MAP3K13: variants seen among roughly 807,000 people sequenced by gnomAD.
MAP3K13 encodes the protein leucine zipper-bearing kinase.
Under a neutral mutation model 104.0 loss-of-function variants are expected in MAP3K13, and 52 were observed. The ratio of observed to expected loss-of-function variants is 0.50; its 90% CI spans 0.40 to 0.63. MAP3K13 has a LOEUF of 0.63. Among genes scored for constraint, MAP3K13 ranks in the 20% least tolerant of loss-of-function variants. The pLI is 0.00. For missense variants in MAP3K13, 914 were observed against 1,218.5 expected, an observed-to-expected ratio of 0.75 and a Z score of 3.72; for synonymous variants, 394 against 442.2, an observed-to-expected ratio of 0.89 and a Z score of 1.37.
In MAP3K13 at chr3:185,409,739, G is replaced by A. The variant is rs9867891; in HGVS notation, c.-85-18758G>A. On this transcript the variant is annotated intron_variant, in intron 1 of 13. Transcript: ENST00000265026. ...CCAAGGTATGAATCAACCCATGTCC[G>A]ACAATAGAAGAATGGATAAAGAAAA... Among the ~76,000 whole-genome samples, 988 of 152,168 alleles carry A rather than the reference G, an allele frequency of 6.5e-3. 13 individuals carry two copies. The highest frequency in any genetic ancestry group is 0.022 in the African/African-American group (907 of 41,506).
At chr3:185,464,679 C>G (rs1279075754) in intron 8 of MAP3K13, among the ~76,000 whole-genome samples, 1 of 152,188 alleles carries the variant, frequency 6.6e-6, no homozygotes, top group African/African-American at 2.4e-5. Context: ...TTTCTTCTAG[C>G]AGTGTGAGAA....
chr3:185,409,225 A>AG (rs1355795797), intron 1 of MAP3K13, among the ~76,000 whole-genome samples: 4 of 152,104 alleles, frequency 2.6e-5, no homozygotes, highest in Admixed American at 2.6e-4. Context: ...AAAATTAGCC[A>AG]GGCGTGGTGG....
intron 1 of MAP3K13, among the ~76,000 whole-genome samples, chr3:185,365,065 C>T (rs1723806715): frequency 6.6e-6 from 1 of 152,198 alleles, no homozygotes; most frequent in African/African-American, 2.4e-5. Context: ...CTTTGATGCA[C>T]ATTTTGCCAA....
At chr3:185,288,138 G>T (rs748407998) in intron 2 of MAP3K13, among the ~76,000 whole-genome samples, 9 of 152,144 alleles carry the variant, frequency 5.9e-5, no homozygotes, top group Non-Finnish European at 1.2e-4. Context: ...CCTAGATTAA[G>T]ACTCCTTATT....
intron 7 of MAP3K13, among the ~76,000 whole-genome samples, chr3:185,458,545 G>A (rs908656981): frequency 7.2e-5 from 11 of 152,128 alleles, no homozygotes; most frequent in Non-Finnish European, 1.3e-4. Context: ...GAACTCCTGA[G>A]ATGAATAAGA....
intron 1 of MAP3K13, among the ~76,000 whole-genome samples, chr3:185,415,584 T>C (rs1394769792): frequency 2.0e-5 from 3 of 146,766 alleles, no homozygotes; most frequent in Non-Finnish European, 3.0e-5. Context: ...TTTCTTTTTT[T>C]TTTTTTTTTT....
chr3:185,345,673 T>C (rs555154416), intron 2 of MAP3K13, among the ~76,000 whole-genome samples: 1 of 152,262 alleles, frequency 6.6e-6, no homozygotes, highest in African/African-American at 2.4e-5. Flanking sequence ...TCCCATCACC[T>C]CCAGATGGGA....
At chr3:185,444,633 G>A (rs2148893601) in intron 4 of MAP3K13, among the ~76,000 whole-genome samples, 1 of 152,272 alleles carries the variant, frequency 6.6e-6, no homozygotes, top group Admixed American at 6.5e-5. Context: ...TTTAAGAGGA[G>A]TGTGTAGTTA....
intron 11 of MAP3K13, among the ~76,000 whole-genome samples, chr3:185,475,240 G>A (rs1718050449): frequency 6.6e-6 from 1 of 151,958 alleles, no homozygotes; most frequent in Non-Finnish European, 1.5e-5. Context: ...AAAGCATTTA[G>A]AACAGGGCCT....
At chr3:185,371,526 C>G (rs1341805476) in intron 1 of MAP3K13, among the ~76,000 whole-genome samples, 1 of 152,130 alleles carries the variant, frequency 6.6e-6, no homozygotes, top group Non-Finnish European at 1.5e-5. Context: ...ATTGTGAATT[C>G]CTGGGCTGGG....
chr3:185,471,022 GA>G (rs1210394015), intron 10 of MAP3K13, among the ~76,000 whole-genome samples: 1 of 152,112 alleles, frequency 6.6e-6, no homozygotes, highest in East Asian at 1.9e-4. Context: ...GAAACAAAAA[GA>G]AATGAGAAGG....
chr3:185,359,920 TAA>T (rs1268541413), upstream of MAP3K13, among the ~76,000 whole-genome samples: 2 of 151,526 alleles, frequency 1.3e-5, no homozygotes, highest in African/African-American at 4.9e-5. Flanking sequence ...TTTCCTTTTT[TAA>T]AAACACATTT....
At chr3:185,435,002 T>G (rs1413901303) in intron 2 of MAP3K13, among the ~76,000 whole-genome samples, 1 of 151,266 alleles carries the variant, frequency 6.6e-6, no homozygotes, top group African/African-American at 2.4e-5. Flanking sequence ...TGTTTGTTTG[T>G]TTGTTGTTGT....
At chr3:185,285,953 G>A (rs1013453719) in intron 2 of MAP3K13, among the ~76,000 whole-genome samples, 1 of 151,940 alleles carries the variant, frequency 6.6e-6, no homozygotes, top group Admixed American at 6.6e-5. Context: ...TTTAATCTGT[G>A]GATCCCGTGT....
intron 2 of MAP3K13, among the ~76,000 whole-genome samples, chr3:185,314,833 G>T (rs1054856247): frequency 2.0e-5 from 3 of 152,084 alleles, no homozygotes; most frequent in African/African-American, 2.4e-5. Flanking sequence ...AGAGATGGGG[G>T]TCTCATCTTC....
intron 1 of MAP3K13, among the ~76,000 whole-genome samples, chr3:185,378,515 C>G (rs571224201): frequency 1.3e-5 from 2 of 151,918 alleles, no homozygotes; most frequent in African/African-American, 4.8e-5. Context: ...TAAGCCAGAC[C>G]GGTGTGAGGA....
chr3:185,397,949 C>T (rs1207304989), intron 1 of MAP3K13, among the ~76,000 whole-genome samples: 1 of 152,062 alleles, frequency 6.6e-6, no homozygotes, highest in Non-Finnish European at 1.5e-5. Context: ...AAGGGCTGCA[C>T]ATAAAGGGAA....
chr3:185,454,854 TACATG>T (rs1716291055), intron 7 of MAP3K13, among the ~76,000 whole-genome samples: 1 of 71,618 alleles, frequency 1.4e-5, no homozygotes, highest in South Asian at 5.1e-4. Flanking sequence ...ATGAGATATA[TACATG>T]ATATATATAT....
chr3:185,298,423 A>C (rs1720990569), intron 2 of MAP3K13, among the ~76,000 whole-genome samples: 1 of 152,224 alleles, frequency 6.6e-6, no homozygotes, highest in Non-Finnish European at 1.5e-5. Context: ...AAAATGGACA[A>C]CTCAAAGGGA....
Sources: gnomAD v4.1 joint callset for allele counts (sites outside exome capture counted in the v4.1 genomes callset) on GRCh38, gnomAD v4.1.1 for gene constraint, MANE v1.5 for transcripts, NCBI Gene and HGNC (gene_info 2026-07-23, HGNC 2026-07-21) for gene names.